The following ATR variants were observed in gnomAD, a reference collection of about 807,000 sequenced individuals.
The protein encoded by ATR is serine/threonine-protein kinase ATR.
In ATR, 142 loss-of-function variants were observed where a neutral mutation model predicts 305.3. The observed-to-expected ratio is 0.47, with a 90% CI of 0.41 to 0.53. ATR has a LOEUF of 0.53. Among genes scored for constraint, ATR ranks in the 20% least tolerant of loss-of-function variants. The pLI, the probability that ATR is intolerant of heterozygous loss-of-function variation, is 0.00. For synonymous variants in ATR, 1,050 were observed against 1,068.1 expected (o/e 0.98, Z 0.33); for missense variants, 2,135 against 3,133.1 (o/e 0.68, Z 7.60).
At chr3:142,567,194 C>T (rs138999195) in intron 2 of ATR, among the ~76,000 whole-genome samples, 6 of 152,134 alleles carry the variant, frequency 3.9e-5, no homozygotes, top group East Asian at 3.9e-4. Context: ...TCCAGTGGGG[C>T]GCCAAACAAA....
At chr3:142,464,963 A>G (rs542975836) in intron 41 of ATR, 134 bp downstream of exon 41, 2 of 454,726 alleles carry the variant, frequency 4.4e-6, no homozygotes, top group South Asian at 9.3e-5. Flanking sequence ...ATCTGTTTGT[A>G]TACTAAAATG....
intron 27 of ATR, among the ~76,000 whole-genome samples, chr3:142,508,809 A>G (rs542158029): frequency 1.3e-5 from 2 of 151,854 alleles, no homozygotes; most frequent in South Asian, 2.1e-4. Context: ...CTTTAGTCCC[A>G]GCTACTCGGG....
At chr3:142,574,844 A>C (rs1463505106) in intron 1 of ATR, among the ~76,000 whole-genome samples, 3 of 152,154 alleles carry the variant, frequency 2.0e-5, no homozygotes, top group African/African-American at 7.2e-5. Context: ...GCAGTGAAAT[A>C]AGGGTAAGAG....
chr3:142,512,113 C>T, intron 27 of ATR, 147 bp downstream of exon 27: 1 of 764,136 alleles, frequency 1.3e-6, no homozygotes, highest in Non-Finnish European at 2.1e-6. Flanking sequence ...AGGGAAACTC[C>T]ATCTCCAAAC....
At chr3:142,540,855 T>C (rs1333970963) in intron 18 of ATR, 49 bp downstream of exon 18, 3 of 1,542,094 alleles carry the variant, frequency 1.9e-6, no homozygotes, top group Non-Finnish European at 2.6e-6. Flanking sequence ...TTAGTGCTAC[T>C]GGAAAATGCA....
chr3:142,514,634 GAAA>G (rs777062209), intron 25 of ATR, among the ~76,000 whole-genome samples: 3 of 124,614 alleles, frequency 2.4e-5, no homozygotes. Context: ...ACTCTGTCTC[GAAA>G]AAAAAAAAAA....
chr3:142,563,477 T>C (rs994754608), intron 3 of ATR, among the ~76,000 whole-genome samples: 1 of 152,184 alleles, frequency 6.6e-6, no homozygotes, highest in African/African-American at 2.4e-5. Flanking sequence ...TCAGTGACGT[T>C]TGATGTTACT....
At chr3:142,566,287 G>A (rs2108494753) in intron 2 of ATR, 26 bp from the exon 3 acceptor site, 1 of 1,610,256 alleles carries the variant, frequency 6.2e-7, no homozygotes. Flanking sequence ...TCATTTTAAA[G>A]AGTCATGACA....
At chr3:142,466,015 A>C (rs538596729) in intron 40 of ATR, among the ~76,000 whole-genome samples, 1 of 151,742 alleles carries the variant, frequency 6.6e-6, no homozygotes, top group East Asian at 1.9e-4. Flanking sequence ...GTTTCCAAAA[A>C]AAAAAAAAAA....
intron 44 of ATR, among the ~76,000 whole-genome samples, chr3:142,457,982 G>A (rs2070942769): frequency 6.6e-6 from 1 of 152,038 alleles, no homozygotes; most frequent in South Asian, 2.1e-4. Context: ...GGAGATAAGT[G>A]GACTTACCTT....
intron 16 of ATR, among the ~76,000 whole-genome samples, chr3:142,545,639 G>C (rs2034241085): frequency 6.6e-6 from 1 of 152,054 alleles, no homozygotes; most frequent in South Asian, 2.1e-4. Context: ...ATTGTAGAGA[G>C]GGAAGAATGA....
chr3:142,555,854 T>C (rs1319426025), intron 10 of ATR, 23 bp downstream of exon 10: 2 of 1,594,950 alleles, frequency 1.3e-6, no homozygotes, highest in Non-Finnish European at 1.7e-6. Flanking sequence ...TTTTAAAGTA[T>C]TAAATAAGTC....
intron 16 of ATR, among the ~76,000 whole-genome samples, chr3:142,545,689 G>T (rs559325030): frequency 6.6e-6 from 1 of 152,102 alleles, no homozygotes; most frequent in Admixed American, 6.5e-5. Flanking sequence ...GCTGTCCCAA[G>T]AAAGATGATC....
intron 5 of ATR, among the ~76,000 whole-genome samples, chr3:142,560,828 G>A (rs1248446882): frequency 6.6e-6 from 1 of 152,134 alleles, no homozygotes; most frequent in African/African-American, 2.4e-5. Context: ...CCAAAGTGCT[G>A]GGATTACAGG....
intron 5 of ATR, among the ~76,000 whole-genome samples, chr3:142,560,823 G>C (rs1022688388): frequency 4.9e-4 from 74 of 152,326 alleles, no homozygotes; most frequent in African/African-American, 1.6e-3. Flanking sequence ...GCCTCCCAAA[G>C]TGCTGGGATT....
intron 39 of ATR, among the ~76,000 whole-genome samples, chr3:142,467,230 C>T (rs147478436): frequency 0.025 from 3,762 of 152,160 alleles, 79 homozygotes; most frequent in Middle Eastern, 0.054. Context: ...TTATAACCAC[C>T]CCCACCTCCC....
chr3:142,517,880 G>A (rs1241451765), intron 24 of ATR, among the ~76,000 whole-genome samples: 2 of 152,156 alleles, frequency 1.3e-5, no homozygotes, highest in African/African-American at 4.8e-5. Flanking sequence ...ATTATTGAGT[G>A]TCAACTAAAT....
At chr3:142,479,278 GC>G (rs1439856391) in intron 36 of ATR, among the ~76,000 whole-genome samples, 1 of 152,126 alleles carries the variant, frequency 6.6e-6, no homozygotes, top group Non-Finnish European at 1.5e-5. Flanking sequence ...TTTAGGACAG[GC>G]CTGGTGGTGA....
chr3:142,480,405 A>G (rs1001579132), intron 36 of ATR, among the ~76,000 whole-genome samples: 2 of 152,182 alleles, frequency 1.3e-5, no homozygotes, highest in Non-Finnish European at 2.9e-5. Flanking sequence ...AACAGCAAAT[A>G]TTGCTGAACA....
Sources: allele counts gnomAD v4.1 joint callset (sites outside exome capture counted in the v4.1 genomes callset), GRCh38; gene constraint gnomAD v4.1.1; transcripts MANE v1.5; gene names NCBI Gene and HGNC (gene_info 2026-07-23, HGNC 2026-07-21).